CDCA8: variants seen among roughly 807,000 people sequenced by gnomAD.
CDCA8 encodes borealin.
Under a neutral mutation model 40.0 loss-of-function variants are expected in CDCA8, and 25 were observed. The observed-to-expected ratio is 0.63, with a 90% CI of 0.46 to 0.87. CDCA8 has a LOEUF of 0.87. CDCA8 is among the 40% of genes least tolerant of loss of function. The pLI, the probability that CDCA8 is intolerant of heterozygous loss-of-function variation, is 0.00. For missense variants in CDCA8, 280 were observed against 348.4 expected (o/e 0.80, Z 1.56); for synonymous variants, 111 against 126.5 (o/e 0.88, Z 0.82).
intron 7 of CDCA8, among the ~76,000 whole-genome samples, chr1:37,704,626 T>C (rs1570282545): frequency 6.6e-6 from 1 of 151,036 alleles, no homozygotes; most frequent in Non-Finnish European, 1.5e-5. Context: ...TTTTCTACTT[T>C]TAATTGCCAC....
rs774987155 is a variant in CDCA8 at position 37,696,905 on chromosome 1, T to C, written c.264+955T>C. The stretch of plus-strand genomic sequence containing the variant: ...GAGCCAATTATCAATTTGGAAAAAA[T>C]TGGAGCATTTGGGAGAGAGGTGGGG... On this transcript the variant is annotated intron_variant, in intron 3 of 9. Transcript: ENST00000373055. This position sits in a 1 kb window ranked among gnomAD's most constrained non-coding sequence, Gnocchi z 5.0. Among the ~76,000 whole-genome samples the C allele has an allele frequency of 6.6e-6, 1 of 152,078 alleles. No homozygotes were observed. The highest frequency in any genetic ancestry group is 1.5e-5 in the Non-Finnish European group (1 of 68,012).
intron 2 of CDCA8, among the ~76,000 whole-genome samples, chr1:37,694,297 C>T (rs1004618943): frequency 2.0e-5 from 3 of 152,232 alleles, no homozygotes; most frequent in Non-Finnish European, 4.4e-5. Context: ...CATGTAGTCT[C>T]CTTCCTGGAT....
At position 37,692,694 on chromosome 1, in the gene CDCA8, G is replaced by A. The variant is rs781286827; in HGVS notation, c.4G>A (p.Ala2Thr). 1.1e-5 allele frequency: 18 copies of A among 1,612,682 alleles called. No homozygotes were observed. Among genetic ancestry groups the A allele is most frequent in the Non-Finnish European group, 1.4e-5 (17 of 1,179,764 alleles). M[A>T]PRKGSSRVAK... ...CCCGCAGCCTCCGCCGAGCGCCATG[G>A]CTCCTAGGAAGGGCAGTAGTCGGGT... Residue 2 changes from alanine (A) to threonine (T), a missense_variant, in exon 1 of 10, where the codon GCT becomes ACT. By Grantham distance (58) the Ala-to-Thr change is moderately conservative. Coordinates refer to ENST00000373055, the MANE Select transcript of CDCA8 (RefSeq NM_001256875.2).
intron 7 of CDCA8, among the ~76,000 whole-genome samples, chr1:37,704,023 G>A (rs1489690383): frequency 1.3e-5 from 2 of 152,010 alleles, no homozygotes; most frequent in African/African-American, 2.4e-5. Flanking sequence ...GCACAATCAC[G>A]GCTCACTGCA....
At position 37,707,854 on chromosome 1, in the gene CDCA8, T is replaced by TG. The variant is rs372654098; in HGVS notation, c.799-467dup. On this transcript the variant is annotated intron_variant, in intron 9 of 9. Transcript: ENST00000373055. The stretch of plus-strand genomic sequence containing the variant: ...AAGTAAATTATCAATTTAATTTAAC[T>TG]GAAGAATGTAATGGCTCCGCCAGGG... Among the ~76,000 whole-genome samples the TG allele has an allele frequency of 2.7e-3, 416 of 152,360 alleles. 1 individual carries two copies. The highest frequency in any genetic ancestry group is 9.5e-3 in the African/African-American group (397 of 41,582).
chr1:37,705,638 C>T, intron 8 of CDCA8, 71 bp downstream of exon 8: 2 of 1,566,180 alleles, frequency 1.3e-6, no homozygotes, highest in Non-Finnish European at 1.7e-6. Flanking sequence ...CCTGGGCCCT[C>T]ACCCACGCTT....
chr1:37,697,582 A>T lies in CDCA8; in HGVS notation c.265-1323A>T, dbSNP rs545802396. 5.3e-5 allele frequency among the ~76,000 whole-genome samples: 8 copies of T among 152,286 alleles called. No individual in the cohort carries two copies. The South Asian group carries it at 1.4e-3, about 28-fold the overall frequency. ...GCATAAAGTTTAGGCACAGTGAGGC[A>T]TCTTGTTAAGGAAAGGTGGGAATCT... On this transcript the variant is annotated intron_variant, in intron 3 of 9. Transcript: ENST00000373055.
At chr1:37,700,753 T>A (rs559911602) in intron 5 of CDCA8, among the ~76,000 whole-genome samples, 8 of 151,922 alleles carry the variant, frequency 5.3e-5, no homozygotes, top group South Asian at 4.2e-4. Flanking sequence ...TCAAGGTGAG[T>A]GAGAGTCTAC....
chr1:37,701,905 C>T (rs886791445), intron 6 of CDCA8, 87 bp downstream of exon 6: 10 of 962,012 alleles, frequency 1.0e-5, no homozygotes, highest in Non-Finnish European at 1.7e-5. Context: ...AGTGAAAAGG[C>T]TCTGGTGGCT....
intron 6 of CDCA8, among the ~76,000 whole-genome samples, chr1:37,702,972 G>C (rs1005033684): frequency 6.8e-6 from 1 of 147,342 alleles, no homozygotes; most frequent in Non-Finnish European, 1.5e-5. Flanking sequence ...AAAAAAGTCA[G>C]ATTCTGGAGG....
At chr1:37,693,814 C>T (rs1482816176) in intron 2 of CDCA8, among the ~76,000 whole-genome samples, 4 of 152,206 alleles carry the variant, frequency 2.6e-5, no homozygotes, top group Non-Finnish European at 5.9e-5. Flanking sequence ...GCAGCTCCTT[C>T]TGCAGCTTAT....
At chr1:37,700,550 G>T (rs749562626) in intron 5 of CDCA8, 29 bp downstream of exon 5, 1 of 1,360,324 alleles carries the variant, frequency 7.4e-7, no homozygotes, top group African/African-American at 1.4e-5. Context: ...TGGAGGCTGG[G>T]GGTTATCACA....
At chr1:37,700,756 G>C (rs1442555912) in intron 5 of CDCA8, among the ~76,000 whole-genome samples, 4 of 152,206 alleles carry the variant, frequency 2.6e-5, no homozygotes, top group African/African-American at 9.7e-5. Flanking sequence ...AGGTGAGTGA[G>C]AGTCTACTAG....
intron 3 of CDCA8, among the ~76,000 whole-genome samples, chr1:37,697,833 T>G (rs896023458): frequency 6.6e-6 from 1 of 152,222 alleles, no homozygotes; most frequent in African/African-American, 2.4e-5. Context: ...CATCAGTAAC[T>G]TATTACAGCC....
At chr1:37,706,171 G>A (rs563053749) in intron 8 of CDCA8, among the ~76,000 whole-genome samples, 5 of 142,926 alleles carry the variant, frequency 3.5e-5, no homozygotes, top group Admixed American at 1.4e-4. Flanking sequence ...GCAGTGGCAC[G>A]ATCTCAGCTC....
At chr1:37,693,587 C>G (rs187128283) in intron 2 of CDCA8, among the ~76,000 whole-genome samples, 1 of 151,914 alleles carries the variant, frequency 6.6e-6, no homozygotes, top group Non-Finnish European at 1.5e-5. Context: ...TCAGTAGAGA[C>G]GGGGTTTCAC....
chr1:37,702,239 A>G (rs1274832971), intron 6 of CDCA8, among the ~76,000 whole-genome samples: 1 of 151,300 alleles, frequency 6.6e-6, no homozygotes, highest in Non-Finnish European at 1.5e-5. Context: ...GGGTTTCTCC[A>G]TGTTGGTCAG....
intron 7 of CDCA8, 80 bp downstream of exon 7, chr1:37,703,427 A>C: frequency 9.2e-7 from 1 of 1,081,934 alleles, no homozygotes; most frequent in Non-Finnish European, 1.4e-6. Context: ...CTAAGAAAAT[A>C]CTCCTAGGCC....
chr1:37,693,540 G>A (rs780365259), intron 2 of CDCA8, among the ~76,000 whole-genome samples: 3 of 151,794 alleles, frequency 2.0e-5, no homozygotes, highest in Non-Finnish European at 2.9e-5. Flanking sequence ...CTGGGATTAC[G>A]GTCGCCTGCC....
Sources: allele counts gnomAD v4.1 joint callset (sites outside exome capture counted in the v4.1 genomes callset), GRCh38; gene constraint gnomAD v4.1.1; non-coding constraint Gnocchi (gnomAD v3.1); transcripts MANE v1.5; gene names NCBI Gene and HGNC (gene_info 2026-07-23, HGNC 2026-07-21).